The following RAB33A variants were observed in gnomAD, a reference collection of about 807,000 sequenced individuals.
RAB33A encodes the protein RAB33A, member RAS oncogene family, also known as ras-related protein Rab-33A.
Under a neutral mutation model 12.0 loss-of-function variants are expected in RAB33A, and 6 were observed. The observed-to-expected ratio is 0.50, with a 90% CI of 0.27 to 0.99. The LOEUF is 0.99. Among genes scored for constraint, RAB33A ranks in the 50% least tolerant of loss-of-function variants. The pLI is 0.11. For synonymous variants in RAB33A, 70 were observed against 82.4 expected (o/e 0.85, Z 0.81); for missense variants, 109 against 192.0 (o/e 0.57, Z 2.55).
chrX:130,138,636 C>G, the RAB33A span: 1 of 1,210,770 alleles, frequency 8.3e-7, no homozygotes, highest in Non-Finnish European at 1.1e-6. Context: ...CAAGGAAGCC[C>G]CCACCGATAA....
the RAB33A span, among the ~76,000 whole-genome samples, chrX:130,152,998 A>C: frequency 9.0e-6 from 1 of 110,695 alleles, no homozygotes; most frequent in Non-Finnish European, 1.9e-5. Context: ...TTGTAAAAGA[A>C]ATGTATTTCT....
At chrX:130,130,254 T>C in the RAB33A span, 5 of 1,039,873 alleles carry the variant, frequency 4.8e-6, no homozygotes, top group African/African-American at 9.3e-5. Context: ...AAGCCAACAG[T>C]CTTTCGAGGC....
At chrX:130,182,754 C>CA (rs201394208) in intron 1 of RAB33A, among the ~76,000 whole-genome samples, 1,107 of 103,723 alleles carry the variant, frequency 0.011, 12 homozygotes, top group African/African-American at 0.036. Flanking sequence ...AATTCTGTCT[C>CA]AAAAAAAAAA....
At chrX:130,168,713 G>A (rs1200462996), upstream of RAB33A, among the ~76,000 whole-genome samples, 3 of 111,630 alleles carry the variant, frequency 2.7e-5, no homozygotes, top group African/African-American at 6.5e-5. Flanking sequence ...ATTATGTGGT[G>A]AAGATGATCC....
the RAB33A span, among the ~76,000 whole-genome samples, chrX:130,122,570 G>A: frequency 2.7e-5 from 3 of 112,264 alleles, no homozygotes; most frequent in Non-Finnish European, 3.8e-5. Context: ...TAGGAGCAAG[G>A]GGGGGTGGGA....
intron 1 of RAB33A, among the ~76,000 whole-genome samples, chrX:130,173,141 G>A (rs1182445278): frequency 1.8e-5 from 2 of 112,272 alleles, no homozygotes; most frequent in Non-Finnish European, 3.8e-5. Flanking sequence ...AATAGGCTAA[G>A]TGCAAATATT....
chrX:130,127,977 ACT>A, the RAB33A span, among the ~76,000 whole-genome samples: 1 of 111,551 alleles, frequency 9.0e-6, no homozygotes, highest in African/African-American at 3.3e-5. Flanking sequence ...GGCGTGAGCC[ACT>A]GTGCGCAACC....
chrX:130,116,357 G>A, the RAB33A span, among the ~76,000 whole-genome samples: 102 of 110,919 alleles, frequency 9.2e-4, no homozygotes, highest in African/African-American at 3.0e-3. Flanking sequence ...GCAGTGGCGG[G>A]ATCTTGGCTC....
At chrX:130,146,451 ATGTGTGTGTG>A in the RAB33A span, among the ~76,000 whole-genome samples, 32 of 89,437 alleles carry the variant, frequency 3.6e-4, no homozygotes, top group South Asian at 1.2e-3. Flanking sequence ...CTCTCAAAAT[ATGTGTGTGTG>A]TGTGTGTGTG....
chrX:130,111,631 A>G, the RAB33A span, among the ~76,000 whole-genome samples: 2 of 111,708 alleles, frequency 1.8e-5, no homozygotes, highest in East Asian at 5.7e-4. Context: ...CTGGCAAGAT[A>G]TGAGTCAGGG....
the RAB33A span, among the ~76,000 whole-genome samples, chrX:130,152,125 AAAAAG>A: frequency 2.2e-4 from 24 of 111,442 alleles, no homozygotes; most frequent in African/African-American, 6.2e-4. Context: ...AAAGAAAAGA[AAAAAG>A]AAAAGAAAAA....
chrX:130,132,452 G>C, the RAB33A span, among the ~76,000 whole-genome samples: 2 of 112,778 alleles, frequency 1.8e-5, no homozygotes, highest in Non-Finnish European at 3.7e-5. Context: ...TTCCCTTTTT[G>C]AAGCTTTAAA....
intron 1 of RAB33A, among the ~76,000 whole-genome samples, chrX:130,177,435 G>A (rs1375794221): frequency 8.9e-6 from 1 of 112,454 alleles, no homozygotes; most frequent in African/African-American, 3.2e-5. Context: ...ACAAGGCTCA[G>A]TTCAGGGAGG....
the RAB33A span, chrX:130,165,962 G>A: frequency 2.3e-5 from 8 of 352,457 alleles, no homozygotes; most frequent in Non-Finnish European, 3.6e-5. Context: ...CTGGCTCTAG[G>A]TAGCCGGTTT....
At chrX:130,160,883 AAAAT>A in the RAB33A span, among the ~76,000 whole-genome samples, 1,066 of 107,066 alleles carry the variant, frequency 1.0e-2, 16 homozygotes, top group African/African-American at 0.034. Flanking sequence ...TCTCTACTTA[AAAAT>A]AAATAAATAA....
the RAB33A span, among the ~76,000 whole-genome samples, chrX:130,163,755 A>G: frequency 8.9e-6 from 1 of 112,308 alleles, no homozygotes; most frequent in Non-Finnish European, 1.9e-5. Context: ...TTGCAAATGC[A>G]TATTTAATTG....
chrX:130,153,352 C>T, the RAB33A span, among the ~76,000 whole-genome samples: 5 of 42,849 alleles, frequency 1.2e-4, no homozygotes, highest in Admixed American at 3.5e-4. Context: ...GACTCCGTTT[C>T]AAAAAAAAAA....
the RAB33A span, among the ~76,000 whole-genome samples, chrX:130,127,280 C>T: frequency 2.7e-5 from 3 of 111,323 alleles, no homozygotes; most frequent in Non-Finnish European, 5.7e-5. Context: ...TTGGCATGGC[C>T]ACAGTACTTT....
chrX:130,163,767 T>C, the RAB33A span, among the ~76,000 whole-genome samples: 1 of 111,991 alleles, frequency 8.9e-6, no homozygotes. Flanking sequence ...ATTTAATTGA[T>C]GAGAACTTTT....
Sources: gnomAD v4.1 joint callset for allele counts (sites outside exome capture counted in the v4.1 genomes callset) on GRCh38, gnomAD v4.1.1 for gene constraint, MANE v1.5 for transcripts, NCBI Gene and HGNC (gene_info 2026-07-23, HGNC 2026-07-21) for gene names.